Variants in USP54 observed in about 807,000 individuals in gnomAD.
USP54 encodes the protein ubiquitin carboxyl-terminal hydrolase 54.
USP54 carries 87 observed loss-of-function variants against 170.5 expected under a neutral mutation model. The observed-to-expected ratio is 0.51, with a 90% CI of 0.43 to 0.61. The LOEUF (loss-of-function observed/expected upper bound fraction) is 0.61, where lower values mean the gene tolerates loss of function less well. USP54 is among the 20% of genes least tolerant of loss of function. The probability of loss-of-function intolerance (pLI) is 0.00; values close to 1 mark genes in which losing one functional copy is unlikely to be tolerated. For synonymous variants in USP54, 655 were observed against 742.8 expected (o/e 0.88, Z 1.92); for missense variants, 1,786 against 2,047.8 (o/e 0.87, Z 2.47).
intron 16 of USP54, among the ~76,000 whole-genome samples, chr10:73,524,492 A>G (rs1590011879): frequency 6.6e-6 from 1 of 152,144 alleles, no homozygotes; most frequent in East Asian, 2.0e-4. Flanking sequence ...AGGCAGGAGA[A>G]TCACTTTAAC....
intron 1 of USP54, among the ~76,000 whole-genome samples, chr10:73,599,899 CTTTT>C (rs536461848): frequency 5.3e-4 from 62 of 117,976 alleles, no homozygotes; most frequent in African/African-American, 1.7e-3. Context: ...GCACTTTGGG[CTTTT>C]TTTTTTTTTT....
At chr10:73,586,410 G>A in intron 1 of USP54, among the ~76,000 whole-genome samples, 1 of 152,132 alleles carries the variant, frequency 6.6e-6, no homozygotes, top group Non-Finnish European at 1.5e-5. Flanking sequence ...TCAGTGCATG[G>A]TGGGGTTTGG....
In USP54 at chr10:73,516,919, C is replaced by T. The variant is rs141916773; in HGVS notation, c.3507G>A (p.Lys1169=). The T allele has an allele frequency of 3.8e-5, 61 of 1,614,204 alleles. 1 individual carries two copies. In the African/African-American group the frequency reaches 6.7e-4, roughly 18 times the overall value. The stretch of plus-strand genomic sequence containing the variant: ...TCTCTTGACCCTGTGAGAAAGGAGG[C>T]TTAGAATCAGAAGGGGAAGAGTTCT... ...LRKNSSPSDS[K]PPFSQGQEKG... The change falls in exon 20 of 24, where the codon AAG becomes AAA. Residue 1169 remains lysine, a synonymous_variant. Transcript: ENST00000687698.
At chr10:73,511,655 G>A (rs1040044308) in intron 20 of USP54, among the ~76,000 whole-genome samples, 5 of 151,486 alleles carry the variant, frequency 3.3e-5, no homozygotes, top group Non-Finnish European at 7.4e-5. Context: ...GCGAGACTCT[G>A]TCTCAAAAAA....
At chr10:73,557,642 C>T (rs2071484247) in intron 4 of USP54, among the ~76,000 whole-genome samples, 1 of 151,714 alleles carries the variant, frequency 6.6e-6, no homozygotes, top group South Asian at 2.1e-4. Flanking sequence ...CATGCCACCA[C>T]ACCCAGCTAA....
At chr10:73,579,974 A>G (rs1476905687) in intron 1 of USP54, among the ~76,000 whole-genome samples, 1 of 152,170 alleles carries the variant, frequency 6.6e-6, no homozygotes, top group African/African-American at 2.4e-5. Flanking sequence ...AAACCTGACA[A>G]TAACAAGTGC....
chr10:73,537,675 T>C (rs1202072348), intron 10 of USP54: 2 of 150,884 alleles, frequency 1.3e-5, no homozygotes, highest in Non-Finnish European at 2.9e-5. Flanking sequence ...AGATCTGAAA[T>C]TCTGAACTTT....
At chr10:73,615,371 C>A (rs1236253649) in intron 1 of USP54, among the ~76,000 whole-genome samples, 1 of 149,830 alleles carries the variant, frequency 6.7e-6, no homozygotes, top group East Asian at 1.9e-4. Context: ...AAAACAAAAA[C>A]AAAAACAAAA....
rs1185460199 is a variant in USP54, at chr10:73,522,078, G to A, written c.2363-1051C>T. On this transcript the variant is annotated intron_variant, in intron 17 of 23. Coordinates refer to ENST00000687698, the MANE Select transcript of USP54 (RefSeq NM_001391956.1). ...CTCATCCTCCACTTACCTCCAGCAGGACATGGTAAGAAAGGCTCTTCCACA... is the reference window on the plus strand; with the variant it reads ...CTCATCCTCCACTTACCTCCAGCAGAACATGGTAAGAAAGGCTCTTCCACA... Among the ~76,000 whole-genome samples, 3 of 152,128 alleles carry A rather than the reference G, an allele frequency of 2.0e-5. No homozygotes were observed. In the East Asian group the frequency reaches 5.8e-4, roughly 29 times the overall value.
intron 7 of USP54, 28 bp from the exon 8 acceptor site, chr10:73,541,766 G>T: frequency 6.2e-7 from 1 of 1,602,794 alleles, no homozygotes; most frequent in Admixed American, 1.7e-5. Flanking sequence ...GAAGGGGGAT[G>T]ATGGTTTGTA....
At chr10:73,581,436 C>G (rs1238058881) in intron 1 of USP54, among the ~76,000 whole-genome samples, 2 of 152,168 alleles carry the variant, frequency 1.3e-5, no homozygotes, top group African/African-American at 4.8e-5. Flanking sequence ...AACCTTTTTG[C>G]AGTGCCTCAC....
In USP54 at chr10:73,615,422, T is replaced by C. The variant is rs538271955; in HGVS notation, c.-18+10145A>G. On this transcript the variant is annotated intron_variant, in intron 1 of 22. Coordinates refer to the USP54 transcript ENST00000339859. ...AAGAGGGAATATTTGATAGCACAAA[T>C]GGATAATTACAGTCAATAATTTAAT... is the stretch of plus-strand genomic sequence containing the variant. 1.5e-4 allele frequency among the ~76,000 whole-genome samples: 23 copies of C among 150,396 alleles called. 2 individuals carry two copies. Among genetic ancestry groups the C allele is most frequent in the African/African-American group, 5.8e-4 (23 of 39,850 alleles).
At chr10:73,539,252 C>A (rs2065989012) in intron 10 of USP54, among the ~76,000 whole-genome samples, 192 bp downstream of exon 10, 2 of 141,982 alleles carry the variant, frequency 1.4e-5, no homozygotes, top group Non-Finnish European at 3.0e-5. Flanking sequence ...GCACTCCAAC[C>A]TGGGTGACAG....
rs560316481 is a variant in USP54, at chr10:73,551,155, C to G, written c.241-5483G>C. 4.9e-4 allele frequency among the ~76,000 whole-genome samples: 75 copies of G among 152,236 alleles called. 1 individual carries two copies. The South Asian group carries it at 0.016, about 32-fold the overall frequency. ...CTGCCCTCTCACTAGCACCTTTCCT[C>G]CTCATACACACTGAATATCTACTGC... is the stretch of plus-strand genomic sequence containing the variant. On this transcript the variant is annotated intron_variant, in intron 4 of 23. Coordinates refer to ENST00000687698, the MANE Select transcript of USP54 (RefSeq NM_001391956.1).
intron 17 of USP54, 48 bp from the exon 18 acceptor site, chr10:73,521,075 T>C (rs2061812080): frequency 6.2e-7 from 1 of 1,608,722 alleles, no homozygotes; most frequent in Non-Finnish European, 8.5e-7. Flanking sequence ...ATTCCAAATT[T>C]TCCTGTGTAC....
intron 4 of USP54, among the ~76,000 whole-genome samples, chr10:73,558,611 G>A (rs558058538): frequency 6.6e-6 from 1 of 152,166 alleles, no homozygotes; most frequent in Non-Finnish European, 1.5e-5. Context: ...AAGTTGGCCA[G>A]CCTCTGATTC....
intron 12 of USP54, among the ~76,000 whole-genome samples, chr10:73,532,965 CATTGG>C (rs1182665386): frequency 6.6e-6 from 1 of 152,164 alleles, no homozygotes; most frequent in East Asian, 1.9e-4. Context: ...TGTGAACACT[CATTGG>C]TTACCTATCA....
At chr10:73,505,504 T>G in intron 20 of USP54, 78 bp from the exon 21 acceptor site, 1 of 1,095,078 alleles carries the variant, frequency 9.1e-7, no homozygotes, top group Non-Finnish European at 1.3e-6. Flanking sequence ...CAGCACAAAC[T>G]CAGGAGCTGT....
intron 4 of USP54, among the ~76,000 whole-genome samples, chr10:73,567,303 A>G (rs1184274797): frequency 6.6e-6 from 1 of 152,188 alleles, no homozygotes; most frequent in African/African-American, 2.4e-5. Context: ...AGATTTATTC[A>G]TATTTACTGC....
Sources: allele counts gnomAD v4.1 joint callset (sites outside exome capture counted in the v4.1 genomes callset), GRCh38; gene constraint gnomAD v4.1.1; transcripts MANE v1.5; gene names NCBI Gene and HGNC (gene_info 2026-07-23, HGNC 2026-07-21).